RALGAPA2: variants seen among roughly 807,000 people sequenced by gnomAD.
The protein encoded by RALGAPA2 is Ral GTPase activating protein catalytic subunit alpha 2.
A neutral mutation model predicts 230.4 loss-of-function variants in RALGAPA2; 139 were observed. The ratio of observed to expected loss-of-function variants is 0.60; its 90% CI spans 0.53 to 0.69. The LOEUF (loss-of-function observed/expected upper bound fraction) is 0.69. Among genes scored for constraint, RALGAPA2 ranks in the 30% least tolerant of loss-of-function variants. The pLI is 0.00. For missense variants in RALGAPA2, 2,163 were observed against 2,276.0 expected, an observed-to-expected ratio of 0.95 and a Z score of 1.01; for synonymous variants, 847 against 837.8, an observed-to-expected ratio of 1.01 and a Z score of -0.19.
chr20:20,621,643 A>G (rs1331677990), intron 10 of RALGAPA2, among the ~76,000 whole-genome samples: 1 of 152,196 alleles, frequency 6.6e-6, no homozygotes, highest in Non-Finnish European at 1.5e-5. Flanking sequence ...GTGCATATTT[A>G]TAAGAACTTT....
chr20:20,599,042 A>G (rs1302377157), intron 16 of RALGAPA2, among the ~76,000 whole-genome samples: 2 of 152,170 alleles, frequency 1.3e-5, no homozygotes, highest in Non-Finnish European at 2.9e-5. Context: ...GCAATCCACA[A>G]ATAATTTTAT....
intron 12 of RALGAPA2, among the ~76,000 whole-genome samples, chr20:20,618,861 T>C (rs2066234480): frequency 1.3e-5 from 2 of 152,238 alleles, no homozygotes; most frequent in African/African-American, 4.8e-5. Flanking sequence ...TCAGTCATTG[T>C]TCTTTGTAAA....
At chr20:20,430,732 C>G (rs1352053812) in intron 37 of RALGAPA2, among the ~76,000 whole-genome samples, 1 of 152,168 alleles carries the variant, frequency 6.6e-6, no homozygotes, top group African/African-American at 2.4e-5. Flanking sequence ...ATGTTGATAG[C>G]AGACACAAGA....
chr20:20,615,162 C>CTTT (rs58165861), intron 13 of RALGAPA2, among the ~76,000 whole-genome samples: 18 of 138,960 alleles, frequency 1.3e-4, no homozygotes, highest in African/African-American at 4.7e-4. Flanking sequence ...AACGTGAGGA[C>CTTT]TTTTTTTTTT....
At chr20:20,503,277 G>A in intron 35 of RALGAPA2, 74 bp downstream of exon 35, 1 of 1,280,304 alleles carries the variant, frequency 7.8e-7, no homozygotes, top group Non-Finnish European at 1.0e-6. Flanking sequence ...TTCTACCCTT[G>A]TATTTGTCTG....
intron 4 of RALGAPA2, among the ~76,000 whole-genome samples, chr20:20,650,398 T>A (rs373199581): frequency 6.6e-6 from 1 of 152,208 alleles, no homozygotes; most frequent in South Asian, 2.1e-4. Flanking sequence ...TCGAGACTCA[T>A]AGAATACAGC....
chr20:20,421,468 C>T (rs927706241), intron 37 of RALGAPA2, among the ~76,000 whole-genome samples: 5 of 152,216 alleles, frequency 3.3e-5, no homozygotes, highest in Non-Finnish European at 5.9e-5. Context: ...GTCAGGAGTT[C>T]GAGACCAGCC....
chr20:20,637,630 T>A (rs1385546721), intron 7 of RALGAPA2, 129 bp from the exon 8 acceptor site: 2 of 826,810 alleles, frequency 2.4e-6, no homozygotes, highest in African/African-American at 3.5e-5. Context: ...ATATTGACAA[T>A]CATGTAATGA....
intron 34 of RALGAPA2, among the ~76,000 whole-genome samples, chr20:20,503,823 GT>G (rs1252373221): frequency 6.6e-6 from 1 of 152,118 alleles, no homozygotes; most frequent in Non-Finnish European, 1.5e-5. Context: ...GTATACATAG[GT>G]TCCCTATTGA....
chr20:20,452,405 T>G (rs375566264), intron 37 of RALGAPA2, among the ~76,000 whole-genome samples: 28 of 152,134 alleles, frequency 1.8e-4, no homozygotes, highest in African/African-American at 6.5e-4. Context: ...GCAGAAGAGT[T>G]TTGCATCTTG....
intron 23 of RALGAPA2, among the ~76,000 whole-genome samples, chr20:20,557,732 T>A (rs1305440031): frequency 6.6e-6 from 1 of 152,192 alleles, no homozygotes; most frequent in Non-Finnish European, 1.5e-5. Context: ...ACTACTGAAT[T>A]TGGGTAACAA....
intron 3 of RALGAPA2, among the ~76,000 whole-genome samples, chr20:20,671,794 G>A (rs1421806942): frequency 4.6e-5 from 7 of 152,192 alleles, no homozygotes; most frequent in Admixed American, 3.9e-4. Context: ...CTGTGAGAGG[G>A]ATAGGTCTAG....
Position 20,619,362 on chromosome 20 carries a change from T to C in RALGAPA2, c.1454A>G (p.Tyr485Cys). The C allele has an allele frequency of 6.2e-7, 1 of 1,611,490 alleles. No homozygotes were observed. The highest frequency in any genetic ancestry group is 2.2e-5 in the East Asian group (1 of 44,838). Residue 485 changes from tyrosine (Y) to cysteine (C), a missense_variant, in exon 12 of 40, where the codon TAC (tyrosine) becomes TGC (cysteine). Tyr to Cys is a radical substitution (Grantham distance 194). Coordinates refer to ENST00000202677, the MANE Select transcript of RALGAPA2 (RefSeq NM_020343.4). ...TCTGCTCATTGCACTTGTGAAGGAG[T>C]ATGTGCGTCCCCAACTGGAAGATCG... is the stretch of plus-strand genomic sequence containing the variant. The part of the protein sequence containing the change: ...HKRSSSWGRT[Y>C]SFTSAMSRGC...
At chr20:20,479,367 T>C (rs956655770) in intron 36 of RALGAPA2, among the ~76,000 whole-genome samples, 1 of 152,188 alleles carries the variant, frequency 6.6e-6, no homozygotes, top group Non-Finnish European at 1.5e-5. Flanking sequence ...CAATCTCACT[T>C]ATGAACATGC....
intron 37 of RALGAPA2, among the ~76,000 whole-genome samples, chr20:20,446,401 T>C (rs750218505): frequency 6.6e-6 from 1 of 152,214 alleles, no homozygotes; most frequent in Non-Finnish European, 1.5e-5. Flanking sequence ...GTGAAAGAGG[T>C]AAATTTTCAA....
At position 20,398,309 on chromosome 20, in the gene RALGAPA2, C is replaced by T. The variant is rs1018234121; in HGVS notation, c.5618-1575G>A. ...TGGTAGAAACCAAGAAAGCAGATGG[C>T]GCAGCTAACAATGGAGGACTTGTTT... On this transcript the variant is annotated intron_variant, in intron 38 of 39. Transcript: ENST00000202677. The surrounding 1 kb of genome is among the most constrained non-coding windows in gnomAD (Gnocchi z 4.5). 3.9e-5 allele frequency among the ~76,000 whole-genome samples: 6 copies of T among 152,268 alleles called. No homozygotes were observed. Among genetic ancestry groups the T allele is most frequent in the South Asian group, 4.1e-4 (2 of 4,820 alleles).
At chr20:20,674,700 T>C (rs931061208) in intron 3 of RALGAPA2, among the ~76,000 whole-genome samples, 1 of 152,208 alleles carries the variant, frequency 6.6e-6, no homozygotes, top group Non-Finnish European at 1.5e-5. Context: ...CATGGATAAA[T>C]CTTAGAATTA....
intron 1 of RALGAPA2, among the ~76,000 whole-genome samples, chr20:20,709,023 A>C (rs1445386550): frequency 6.6e-6 from 1 of 152,052 alleles, no homozygotes; most frequent in African/African-American, 2.4e-5. Context: ...CTTCTACAAA[A>C]AATACAAAAA....
At chr20:20,476,199 C>T (rs2058248304) in intron 36 of RALGAPA2, among the ~76,000 whole-genome samples, 1 of 151,984 alleles carries the variant, frequency 6.6e-6, no homozygotes, top group Admixed American at 6.6e-5. Flanking sequence ...TTCTGGCAAG[C>T]CTTTAAAAAA....
Sources: allele counts gnomAD v4.1 joint callset (sites outside exome capture counted in the v4.1 genomes callset), GRCh38; gene constraint gnomAD v4.1.1; non-coding constraint Gnocchi (gnomAD v3.1); transcripts MANE v1.5; gene names NCBI Gene and HGNC (gene_info 2026-07-23, HGNC 2026-07-21).